MAGI3: variants seen among roughly 807,000 people sequenced by gnomAD.
The protein encoded by MAGI3 is membrane-associated guanylate kinase, WW and PDZ domain-containing protein 3.
Under a neutral mutation model 121.8 loss-of-function variants are expected in MAGI3, and 43 were observed. That is an observed-to-expected ratio of 0.35 (90% CI 0.28 to 0.46). The LOEUF (loss-of-function observed/expected upper bound fraction) is 0.46. MAGI3 is among the 20% of genes least tolerant of loss of function. The probability of loss-of-function intolerance (pLI) is 1.00; values close to 1 mark genes in which losing one functional copy is unlikely to be tolerated. For missense variants in MAGI3, 1,547 were observed against 1,797.3 expected, an observed-to-expected ratio of 0.86 and a Z score of 2.52; for synonymous variants, 553 against 639.3, an observed-to-expected ratio of 0.86 and a Z score of 2.04.
intron 5 of MAGI3, 151 bp downstream of exon 5, chr1:113,590,809 T>C (rs1404597759): frequency 1.4e-6 from 1 of 697,176 alleles, no homozygotes; most frequent in Non-Finnish European, 2.3e-6. Flanking sequence ...TGACAGTTGA[T>C]TTTTAATCAG....
intron 9 of MAGI3, among the ~76,000 whole-genome samples, chr1:113,637,054 T>C (rs1234504395): frequency 1.3e-5 from 2 of 152,214 alleles, no homozygotes; most frequent in Non-Finnish European, 1.5e-5. Flanking sequence ...TTGCAACCCT[T>C]GTCTTTTTTT....
intron 1 of MAGI3, among the ~76,000 whole-genome samples, chr1:113,393,974 T>G (rs1650958957): frequency 1.3e-5 from 2 of 152,226 alleles, no homozygotes; most frequent in Non-Finnish European, 2.9e-5. Context: ...TTGTAAGATG[T>G]AATACTAATC....
chr1:113,455,828 C>A (rs1654724250), intron 1 of MAGI3, among the ~76,000 whole-genome samples: 3 of 152,128 alleles, frequency 2.0e-5, no homozygotes, highest in Admixed American at 2.0e-4. Context: ...ATCATAATTT[C>A]TTTGATGGTA....
intron 6 of MAGI3, among the ~76,000 whole-genome samples, chr1:113,606,858 T>C (rs1313679592): frequency 6.6e-6 from 1 of 152,196 alleles, no homozygotes; most frequent in Non-Finnish European, 1.5e-5. Context: ...TTTGCCAATA[T>C]ATTATTATGC....
At position 113,683,955 on chromosome 1, in the gene MAGI3, A is replaced by C. The variant is rs1648386926; in HGVS notation, c.4387A>C (p.Lys1463Gln). The change falls in exon 21 of 21, where the codon AAG becomes CAG. Residue 1463 changes from lysine (K) to glutamine (Q), a missense_variant. Lys to Gln is a moderately conservative substitution (Grantham distance 53). Coordinates refer to ENST00000307546, the MANE Select transcript of MAGI3 (RefSeq NM_001142782.2). ...KKTLITPGPW[K>Q]VPSGNKVTGT... is the part of the protein sequence containing the mutation. Reference sequence around the variant, plus strand: ...AACACTGATAACTCCAGGGCCCTGGAAGGTTCCAAGTGGAAATAAAGTCAC... The same window carrying C: ...AACACTGATAACTCCAGGGCCCTGGCAGGTTCCAAGTGGAAATAAAGTCAC... 6.2e-7 allele frequency: 1 copy of C among 1,605,816 alleles called. No homozygotes were observed. The highest frequency in any genetic ancestry group is 1.7e-5 in the Admixed American group (1 of 58,408).
intron 1 of MAGI3, among the ~76,000 whole-genome samples, chr1:113,513,535 T>C (rs374307215): frequency 0.065 from 9,830 of 152,010 alleles, 345 homozygotes; most frequent in Non-Finnish European, 0.076. Context: ...GAAAGGATTC[T>C]CTATTTAATA....
intron 6 of MAGI3, among the ~76,000 whole-genome samples, chr1:113,608,188 C>T (rs1241021737): frequency 6.6e-6 from 1 of 151,498 alleles, no homozygotes; most frequent in Non-Finnish European, 1.5e-5. Flanking sequence ...TATATCCTTT[C>T]AGTAGAGACT....
intron 1 of MAGI3, among the ~76,000 whole-genome samples, chr1:113,472,108 C>T (rs1655562316): frequency 6.6e-6 from 1 of 152,110 alleles, no homozygotes; most frequent in Admixed American, 6.5e-5. Flanking sequence ...CTTTTAGTTA[C>T]CATTTGCTTG....
intron 1 of MAGI3, among the ~76,000 whole-genome samples, chr1:113,544,008 G>A (rs1435532761): frequency 6.6e-6 from 1 of 152,138 alleles, no homozygotes; most frequent in African/African-American, 2.4e-5. Flanking sequence ...GTTTAACAAT[G>A]TATATGGTAT....
chr1:113,680,711 C>G (rs1234337200), intron 19 of MAGI3, among the ~76,000 whole-genome samples: 1 of 151,962 alleles, frequency 6.6e-6, no homozygotes, highest in Non-Finnish European at 1.5e-5. Flanking sequence ...GAGCCGAGGT[C>G]TCGCCACTGC....
chr1:113,540,855 G>A (rs977864942), intron 1 of MAGI3, among the ~76,000 whole-genome samples: 16 of 152,142 alleles, frequency 1.1e-4, no homozygotes, highest in Non-Finnish European at 2.4e-4. Flanking sequence ...ACAGCATGAT[G>A]GGTTTTAGTT....
intron 1 of MAGI3, among the ~76,000 whole-genome samples, chr1:113,483,192 A>G (rs557904168): frequency 3.2e-4 from 49 of 152,314 alleles, no homozygotes; most frequent in African/African-American, 1.1e-3. Flanking sequence ...CCATTTTGAT[A>G]TGAATGCAAA....
rs536321380 is a variant in MAGI3, at chr1:113,545,749, A to G, written c.317-3766A>G. On this transcript the variant is annotated intron_variant, in intron 1 of 20. Coordinates refer to ENST00000307546, the MANE Select transcript of MAGI3 (RefSeq NM_001142782.2). The stretch of plus-strand genomic sequence containing the variant: ...AGATATATAAATCTGTTTTTAATTT[A>G]CATATGTAACCTTGACTTATAAATT... Among the ~76,000 whole-genome samples the G allele has an allele frequency of 2.0e-5, 3 of 152,340 alleles. No homozygotes were observed. In the South Asian group the frequency reaches 6.2e-4, roughly 32 times the overall value.
At chr1:113,420,869 G>C (rs1386487088) in intron 1 of MAGI3, among the ~76,000 whole-genome samples, 2 of 152,158 alleles carry the variant, frequency 1.3e-5, no homozygotes, top group East Asian at 1.9e-4. Context: ...TACATGGGGG[G>C]AGTGGCTTTT....
Position 113,594,391 on chromosome 1 carries a change from C to CGT in MAGI3, c.939-90_939-89insGT, listed in dbSNP as rs1553204316. The CGT allele has an allele frequency of 1.5e-4, 140 of 942,892 alleles. 1 individual carries two copies. The East Asian group carries it at 2.7e-3, about 18-fold the overall frequency. The allele number at this position is 942,892 out of a possible 1,614,324, so 58.4% of individuals were successfully genotyped here. A position where few individuals can be genotyped will look rare whatever the true frequency, so the allele number is the denominator to read the frequency against. Reference sequence around the variant, plus strand: ...CTGTTGGAGATTAATGTTCAAACATCATGTCTTTTAGTCACTTTTAATCTT... The same window carrying CGT: ...CTGTTGGAGATTAATGTTCAAACATCGTATGTCTTTTAGTCACTTTTAATCTT... On this transcript the variant is annotated intron_variant, in intron 5 of 20. Coordinates refer to ENST00000307546, the MANE Select transcript of MAGI3 (RefSeq NM_001142782.2).
At chr1:113,394,400 G>A (rs1005768664) in intron 1 of MAGI3, among the ~76,000 whole-genome samples, 3 of 152,072 alleles carry the variant, frequency 2.0e-5, no homozygotes, top group Admixed American at 2.0e-4. Flanking sequence ...TGACCCTGTT[G>A]TTTATTTTTC....
intron 3 of MAGI3, among the ~76,000 whole-genome samples, chr1:113,582,248 A>G (rs2101721859): frequency 6.6e-6 from 1 of 152,182 alleles, no homozygotes; most frequent in Admixed American, 6.5e-5. Flanking sequence ...ATTTGAAGAT[A>G]TACATAACTC....
intron 1 of MAGI3, among the ~76,000 whole-genome samples, chr1:113,481,933 T>G (rs1656134037): frequency 6.6e-6 from 1 of 151,982 alleles, no homozygotes; most frequent in African/African-American, 2.4e-5. Context: ...TTAGACAAGC[T>G]CTTTCTCATT....
intron 1 of MAGI3, among the ~76,000 whole-genome samples, chr1:113,437,881 CT>C (rs1557757218): frequency 2.1e-3 from 3 of 1,400 alleles, no homozygotes; most frequent in Non-Finnish European, 3.9e-3. Context: ...TCTTCTTCTC[CT>C]TCTCCTTCTC....
Sources: gnomAD v4.1 joint callset for allele counts (sites outside exome capture counted in the v4.1 genomes callset) on GRCh38, gnomAD v4.1.1 for gene constraint, MANE v1.5 for transcripts, NCBI Gene and HGNC (gene_info 2026-07-23, HGNC 2026-07-21) for gene names.